The following LPIN2 variants were observed in gnomAD, a reference collection of about 807,000 sequenced individuals.
LPIN2 encodes lipin 2, also known as phosphatidate phosphatase LPIN2.
Under a neutral mutation model 111.4 loss-of-function variants are expected in LPIN2, and 55 were observed. The observed-to-expected ratio is 0.49, with a 90% CI of 0.40 to 0.62. The LOEUF (loss-of-function observed/expected upper bound fraction) is 0.62, where lower values mean the gene tolerates loss of function less well. Ranked by LOEUF, LPIN2 falls within the 20% of genes least tolerant of loss-of-function variation. LPIN2 has a pLI of 0.00. For missense variants in LPIN2, 992 were observed against 1,112.1 expected (o/e 0.89, Z 1.54); for synonymous variants, 425 against 414.0 (o/e 1.03, Z -0.32).
At chr18:2,947,326 A>G (rs2077468793) in intron 4 of LPIN2, among the ~76,000 whole-genome samples, 1 of 152,128 alleles carries the variant, frequency 6.6e-6, no homozygotes, top group Non-Finnish European at 1.5e-5. Context: ...AAAAGGCTAC[A>G]TATGCCTAGG....
intron 15 of LPIN2, 54 bp downstream of exon 15, chr18:2,924,344 C>CCCT: frequency 2.5e-6 from 4 of 1,610,578 alleles, no homozygotes; most frequent in Non-Finnish European, 3.4e-6. Context: ...CACTGCCTGC[C>CCCT]CCTCCCTGAG....
At chr18:2,942,526 T>C (rs1441585873) in intron 4 of LPIN2, among the ~76,000 whole-genome samples, 2 of 152,130 alleles carry the variant, frequency 1.3e-5, no homozygotes, top group East Asian at 3.9e-4. Context: ...TTCACTGCAG[T>C]ATAAAAGGTA....
intron 4 of LPIN2, chr18:2,950,515 T>C (rs1024886967): frequency 5.1e-5 from 8 of 157,066 alleles, no homozygotes; most frequent in African/African-American, 1.9e-4. Context: ...TAAGAAAACG[T>C]GTTCTACTCC....
At chr18:2,929,254 A>C in intron 9 of LPIN2, 96 bp from the exon 10 acceptor site, 1 of 849,044 alleles carries the variant, frequency 1.2e-6, no homozygotes. Context: ...GAAGGCTAAA[A>C]TCATCTGTCT....
In LPIN2 at chr18:2,991,015, A is replaced by G. The variant is rs1422051024; in HGVS notation, c.-10+22072T>C. 8.8e-6 allele frequency: 5 copies of G among 568,834 alleles called. No individual in the cohort carries two copies. The African/African-American group carries it at 9.2e-5, about 10-fold the overall frequency. 35.2% of individuals were successfully genotyped at this position (568,834 alleles called of 1,614,324 possible). ...CATGCCAATGATGCCTGGGCCCCCAATGATGAGACCTCTTGCTTGTCCCAT... is the reference window on the plus strand; with the variant it reads ...CATGCCAATGATGCCTGGGCCCCCAGTGATGAGACCTCTTGCTTGTCCCAT... On this transcript the variant is annotated intron_variant, in intron 1 of 19. Transcript: ENST00000677752.
Position 2,924,090 on chromosome 18 carries a change from C to T in LPIN2, c.2088-229G>A, listed in dbSNP as rs116088791. 3.6e-3 allele frequency among the ~76,000 whole-genome samples: 549 copies of T among 152,240 alleles called. 3 individuals carry two copies. The highest frequency in any genetic ancestry group is 0.012 in the African/African-American group (512 of 41,496). Reference sequence around the variant, plus strand: ...GCCAGATGTGTGTGTTCGGAGGTAACTGACTGCCACACTTTCTCTTTTCCT... The same window carrying T: ...GCCAGATGTGTGTGTTCGGAGGTAATTGACTGCCACACTTTCTCTTTTCCT... On this transcript the variant is annotated intron_variant, in intron 15 of 19. Transcript: ENST00000677752.
chr18:2,937,808 T>G lies in LPIN2; in HGVS notation c.1052A>C (p.Glu351Ala), dbSNP rs1380674261. 6.2e-7 allele frequency: 1 copy of G among 1,613,974 alleles called. No individual in the cohort carries two copies. The highest frequency in any genetic ancestry group is 2.2e-5 in the East Asian group (1 of 44,884). Residue 351 changes from glutamate (E) to alanine (A), a missense_variant, in exon 7 of 20, where the codon GAG (glutamate) becomes GCG (alanine). Glu to Ala is a moderately radical substitution (Grantham distance 107). Around this residue, in one of 4 missense-constraint regions of LPIN2, gnomAD observed 709 missense variants for 753.2 expected, o/e 0.94. Transcript: ENST00000677752. ...TAACATAGATGAAATCTGAGTACTCTCAAGAGGAGGTTCGAGAAGCTCTGC... is the reference window on the plus strand; with the variant it reads ...TAACATAGATGAAATCTGAGTACTCGCAAGAGGAGGTTCGAGAAGCTCTGC... ...SVAELLEPPL[E>A]STQISSMLDA...
chr18:2,922,173 G>A lies in LPIN2; in HGVS notation c.2201C>T (p.Ser734Leu), dbSNP rs80338807. The A allele has an allele frequency of 4.3e-6, 7 of 1,613,896 alleles. No individual in the cohort carries two copies. Among genetic ancestry groups the A allele is most frequent in the Middle Eastern group, 1.6e-4 (1 of 6,084 alleles). Residue 734 changes from serine to leucine, a missense_variant, in exon 17 of 20, where the codon TCG (serine) becomes TTG (leucine). By Grantham distance (145) the Ser-to-Leu change is moderately radical. Transcript: ENST00000677752. ...GTCGGCCATGCCGATGGCACGAGCC[G>A]AGCAGTACAGAAACTTGTAGCCATT... is the stretch of plus-strand genomic sequence containing the variant. ...NENGYKFLYCSARAIGMADMT... is the reference protein window; with the variant it reads ...NENGYKFLYCLARAIGMADMT...
chr18:2,999,580 G>C (rs1360082376), intron 1 of LPIN2, among the ~76,000 whole-genome samples: 2 of 150,740 alleles, frequency 1.3e-5, no homozygotes, highest in Admixed American at 6.7e-5. Flanking sequence ...CTCCAGCCTG[G>C]GTGACAGAGA....
intron 1 of LPIN2, among the ~76,000 whole-genome samples, chr18:2,979,316 G>A (rs1598594316): frequency 6.6e-6 from 1 of 152,174 alleles, no homozygotes; most frequent in East Asian, 1.9e-4. Flanking sequence ...GCACTCTAAC[G>A]CACTGAGTAT....
At chr18:2,931,682 A>C (rs546135369) in intron 8 of LPIN2, among the ~76,000 whole-genome samples, 19 of 152,354 alleles carry the variant, frequency 1.2e-4, no homozygotes, top group African/African-American at 4.3e-4. Flanking sequence ...ATACGTCACA[A>C]AATCACCACG....
intron 16 of LPIN2, 91 bp from the exon 17 acceptor site, chr18:2,922,290 T>C (rs2077067618): frequency 6.9e-7 from 1 of 1,449,748 alleles, no homozygotes. Context: ...TTTTCTTTCT[T>C]TTTTTTTTGA....
At chr18:2,970,574 T>C (rs1204766783) in intron 1 of LPIN2, among the ~76,000 whole-genome samples, 2 of 152,244 alleles carry the variant, frequency 1.3e-5, no homozygotes, top group Non-Finnish European at 2.9e-5. Flanking sequence ...ATTTCCAATG[T>C]TGCCAACAGA....
At chr18:2,926,228 A>G (rs1306637374) in intron 13 of LPIN2, among the ~76,000 whole-genome samples, 1 of 152,224 alleles carries the variant, frequency 6.6e-6, no homozygotes, top group East Asian at 1.9e-4. Context: ...ACACTAAATG[A>G]GACAGCCAAG....
At chr18:2,997,244 A>G (rs2078359885) in intron 1 of LPIN2, among the ~76,000 whole-genome samples, 1 of 152,156 alleles carries the variant, frequency 6.6e-6, no homozygotes, top group Non-Finnish European at 1.5e-5. Context: ...GGTGTCCCAA[A>G]GTACTGGGAT....
chr18:2,972,416 T>C (rs1181002745), intron 1 of LPIN2: 1 of 152,070 alleles, frequency 6.6e-6, no homozygotes, highest in East Asian at 1.9e-4. Context: ...GAAAACAAAG[T>C]GAAACACAAC....
chr18:3,002,243 A>AC (rs2078445342), intron 1 of LPIN2, among the ~76,000 whole-genome samples: 1 of 149,194 alleles, frequency 6.7e-6, no homozygotes, highest in African/African-American at 2.5e-5. Flanking sequence ...GACCAAAAAA[A>AC]AAAAAAAAAA....
intron 1 of LPIN2, among the ~76,000 whole-genome samples, chr18:3,010,307 T>C (rs2078581730): frequency 6.6e-6 from 1 of 152,198 alleles, no homozygotes; most frequent in Non-Finnish European, 1.5e-5. Context: ...TACCAAGGTA[T>C]AGCCATAAAA....
chr18:3,011,452 A>G lies in LPIN2; in HGVS notation c.-10+1635T>C, dbSNP rs1418610555. The stretch of plus-strand genomic sequence containing the variant: ...GTAATCCCAGCTCTTTGGGAGGCCG[A>G]GGGGGGCGGATCACCTGAGGTCGGC... On this transcript the variant is annotated intron_variant, in intron 1 of 19. Coordinates refer to ENST00000677752, the MANE Select transcript of LPIN2 (RefSeq NM_001375808.2). Among the ~76,000 whole-genome samples, 6 of 152,034 alleles carry G rather than the reference A, an allele frequency of 3.9e-5. No homozygotes were observed. In the East Asian group the frequency reaches 1.2e-3, roughly 30 times the overall value.
Sources: allele counts gnomAD v4.1 joint callset (sites outside exome capture counted in the v4.1 genomes callset), GRCh38; gene constraint gnomAD v4.1.1; regional missense constraint gnomAD v4.1.1; transcripts MANE v1.5; gene names NCBI Gene and HGNC (gene_info 2026-07-23, HGNC 2026-07-21).